The following AUTS2 variants were observed in gnomAD, a reference collection of about 807,000 sequenced individuals.
The protein encoded by AUTS2 is autism susceptibility gene 2 protein.
A neutral mutation model predicts 112.4 loss-of-function variants in AUTS2; 17 were observed. That is an observed-to-expected ratio of 0.15 (90% confidence interval 0.10 to 0.23). AUTS2 has a LOEUF of 0.23. Among genes scored for constraint, AUTS2 ranks in the 10% least tolerant of loss-of-function variants. The probability of loss-of-function intolerance (pLI) is 1.00; values close to 1 mark genes in which losing one functional copy is unlikely to be tolerated. For missense variants in AUTS2, 1,510 were observed against 1,701.6 expected (o/e 0.89, Z 1.98); for synonymous variants, 751 against 702.7 (o/e 1.07, Z -1.09).
intron 3 of AUTS2, chr7:70,120,456 A>G (rs1467465028): frequency 6.6e-6 from 1 of 152,142 alleles, no homozygotes; most frequent in African/African-American, 2.4e-5. Flanking sequence ...GAGCTATACA[A>G]CCATAAAACC....
At chr7:70,692,710 C>T (rs1164727133) in intron 5 of AUTS2, among the ~76,000 whole-genome samples, 1 of 151,214 alleles carries the variant, frequency 6.6e-6, no homozygotes, top group Non-Finnish European at 1.5e-5. Flanking sequence ...TTCTTATTTC[C>T]AAACTTAGAG....
At chr7:70,429,743 A>G (rs1487103777) in intron 4 of AUTS2, among the ~76,000 whole-genome samples, 2 of 152,172 alleles carry the variant, frequency 1.3e-5, no homozygotes, top group Admixed American at 6.5e-5. Flanking sequence ...TATTATATAT[A>G]TTTGTTTTTC....
At chr7:70,314,065 C>T (rs1215699676) in intron 4 of AUTS2, among the ~76,000 whole-genome samples, 3 of 152,206 alleles carry the variant, frequency 2.0e-5, no homozygotes. Flanking sequence ...TTTCCTCGTT[C>T]TTTCTCTTGT....
intron 1 of AUTS2, among the ~76,000 whole-genome samples, chr7:69,762,043 A>G (rs1453726665): frequency 2.0e-5 from 3 of 152,140 alleles, no homozygotes; most frequent in Non-Finnish European, 4.4e-5. Flanking sequence ...TTTATATCCT[A>G]GTGGACTATA....
At chr7:70,536,769 G>C (rs777215910) in intron 5 of AUTS2, among the ~76,000 whole-genome samples, 1 of 151,786 alleles carries the variant, frequency 6.6e-6, no homozygotes, top group Non-Finnish European at 1.5e-5. Context: ...GCGAGTTGGC[G>C]CATGCTTGTA....
chr7:69,928,849 G>A (rs1271231540), intron 2 of AUTS2, among the ~76,000 whole-genome samples: 1 of 152,180 alleles, frequency 6.6e-6, no homozygotes, highest in Non-Finnish European at 1.5e-5. Flanking sequence ...AGGATCACCT[G>A]TTCCTGGCCC....
In AUTS2 at chr7:70,212,581, C is replaced by G. The variant is rs1056144420; in HGVS notation, c.660+78010C>G. ...TTGGTGTTACAAAAAATTTTAGTTC[C>G]TTTTTTGGTCGGCAAAGCAACACAA... On this transcript the variant is annotated intron_variant, in intron 4 of 18. Coordinates refer to ENST00000342771, the MANE Select transcript of AUTS2 (RefSeq NM_015570.4). 2.6e-5 allele frequency among the ~76,000 whole-genome samples: 4 copies of G among 151,812 alleles called. No homozygotes were observed. In the South Asian group the frequency reaches 8.3e-4, roughly 32 times the overall value.
Position 70,667,559 on chromosome 7 carries a change from G to A in AUTS2, c.691-31010G>A, listed in dbSNP as rs548738910. On this transcript the variant is annotated intron_variant, in intron 5 of 18. Coordinates refer to ENST00000342771, the MANE Select transcript of AUTS2 (RefSeq NM_015570.4). ...AAGCTTCAGCCAGGCACACACTTGC[G>A]TTTAAAACTGATCAACTGGCAGGTT... Among the ~76,000 whole-genome samples the A allele has an allele frequency of 1.3e-3, 195 of 152,284 alleles. 1 individual carries two copies. Among genetic ancestry groups the A allele is most frequent in the African/African-American group, 4.5e-3 (187 of 41,568 alleles).
chr7:70,761,987 G>A (rs1054091341), intron 6 of AUTS2, among the ~76,000 whole-genome samples: 1 of 152,090 alleles, frequency 6.6e-6, no homozygotes, highest in Non-Finnish European at 1.5e-5. Flanking sequence ...ATCAGGTGAC[G>A]GGCATTAAGA....
intron 4 of AUTS2, among the ~76,000 whole-genome samples, chr7:70,316,133 G>A (rs562368746): frequency 2.1e-4 from 32 of 152,354 alleles, no homozygotes; most frequent in Admixed American, 2.0e-4. Context: ...AATGTAATAA[G>A]AAGTGGGGAT....
chr7:70,364,564 CAAAA>C (rs869040734), intron 4 of AUTS2, among the ~76,000 whole-genome samples: 1 of 101,088 alleles, frequency 9.9e-6, no homozygotes, highest in Non-Finnish European at 2.1e-5. Flanking sequence ...GACTCTGTCT[CAAAA>C]ATAAATAAAT....
At chr7:70,076,370 C>T (rs1803034828) in intron 2 of AUTS2, among the ~76,000 whole-genome samples, 1 of 152,144 alleles carries the variant, frequency 6.6e-6, no homozygotes, top group African/African-American at 2.4e-5. Flanking sequence ...TATAATGAAA[C>T]TAATCTTTTT....
At chr7:70,595,082 G>A (rs1003950842) in intron 5 of AUTS2, among the ~76,000 whole-genome samples, 10 of 149,624 alleles carry the variant, frequency 6.7e-5, no homozygotes, top group African/African-American at 2.5e-4. Flanking sequence ...GCCTGAACAA[G>A]AGTGAAACTG....
At chr7:70,105,885 C>A (rs1246890731) in intron 2 of AUTS2, among the ~76,000 whole-genome samples, 1 of 152,032 alleles carries the variant, frequency 6.6e-6, no homozygotes, top group African/African-American at 2.4e-5. Context: ...GTCTTTTTGT[C>A]TGTGAGTTTG....
intron 2 of AUTS2, among the ~76,000 whole-genome samples, chr7:70,015,106 G>A (rs1439198659): frequency 6.6e-6 from 1 of 152,162 alleles, no homozygotes; most frequent in African/African-American, 2.4e-5. Context: ...GATGAAGAGA[G>A]GAAATTTGGT....
intron 4 of AUTS2, among the ~76,000 whole-genome samples, chr7:70,276,631 A>T (rs369215556): frequency 5.8e-4 from 88 of 152,268 alleles, no homozygotes; most frequent in African/African-American, 2.1e-3. Flanking sequence ...TGCCTGCCTC[A>T]GCCTGCCAAG....
intron 2 of AUTS2, among the ~76,000 whole-genome samples, chr7:70,004,519 C>CT (rs1301828549): frequency 3.4e-5 from 5 of 148,606 alleles, no homozygotes; most frequent in Non-Finnish European, 7.4e-5. Context: ...CTAGAAGGAA[C>CT]TACAAAAAGT....
chr7:70,741,708 GA>G (rs1286921275), intron 6 of AUTS2, among the ~76,000 whole-genome samples: 9 of 146,020 alleles, frequency 6.2e-5, no homozygotes, highest in East Asian at 2.0e-4. Context: ...AAAAAAGAAA[GA>G]AAAAAAAAAG....
chr7:69,994,935 GC>G (rs1798882106), intron 2 of AUTS2, among the ~76,000 whole-genome samples: 1 of 152,172 alleles, frequency 6.6e-6, no homozygotes, highest in Non-Finnish European at 1.5e-5. Flanking sequence ...CTTTCATGAT[GC>G]ATTGAGACTT....
Sources: allele counts gnomAD v4.1 joint callset (sites outside exome capture counted in the v4.1 genomes callset), GRCh38; gene constraint gnomAD v4.1.1; transcripts MANE v1.5; gene names NCBI Gene and HGNC (gene_info 2026-07-23, HGNC 2026-07-21).